IGF2R: variants seen among roughly 807,000 people sequenced by gnomAD.
The protein encoded by IGF2R is insulin like growth factor 2 receptor, also known as cation-independent mannose-6-phosphate receptor.
In IGF2R, 91 loss-of-function variants were observed where a neutral mutation model predicts 270.6. The observed-to-expected ratio is 0.34, with a 90% CI of 0.28 to 0.40. IGF2R has a LOEUF of 0.40. Ranked by LOEUF, IGF2R falls within the 10% of genes least tolerant of loss-of-function variation. The pLI is 1.00. For synonymous variants in IGF2R, 1,316 were observed against 1,258.9 expected, an observed-to-expected ratio of 1.05 and a Z score of -0.96; for missense variants, 2,805 against 3,188.3, an observed-to-expected ratio of 0.88 and a Z score of 2.90.
intron 44 of IGF2R, chr6:160,093,894 C>A (rs1779287738): frequency 2.8e-6 from 2 of 722,696 alleles, no homozygotes; most frequent in East Asian, 2.8e-5. Flanking sequence ...ATTCAGGAGG[C>A]TGATCAGCAT....
rs1177416184 is a variant in IGF2R, at chr6:160,105,148, A to G, written c.*64A>G. ...AGCCAAGCACCTCCAACCAAATAAG[A>G]CTTCCACTCGATGATGCTTCTATAA... On this transcript the variant is annotated 3_prime_UTR_variant, in exon 48 of 48. Transcript: ENST00000356956. 7.5e-7 allele frequency: 1 copy of G among 1,335,632 alleles called. No individual in the cohort carries two copies. The highest frequency in any genetic ancestry group is 1.0e-6 in the Non-Finnish European group (1 of 993,460). The allele number at this position is 1,335,632 out of a possible 1,614,324, so 82.7% of individuals were successfully genotyped here. A position where few individuals can be genotyped will look rare whatever the true frequency, so the allele number is the denominator to read the frequency against.
chr6:160,102,576 A>G lies in IGF2R; in HGVS notation c.6900A>G (p.Ser2300=), dbSNP rs1021206878. Residue 2300 remains serine (S), a synonymous_variant, in exon 46 of 48, where the codon TCA becomes TCG. Transcript: ENST00000356956. This position sits in a 1 kb window ranked among gnomAD's most constrained non-coding sequence, Gnocchi z 4.5. ...ACGGGCAGATGCACAAGGGGCTGTCAGAACGGAGCCAGGCAGTCGGCGCGG... is the reference window on the plus strand; with the variant it reads ...ACGGGCAGATGCACAAGGGGCTGTCGGAACGGAGCCAGGCAGTCGGCGCGG... ...GDDGQMHKGL[S]ERSQAVGAVL... The G allele has an allele frequency of 2.5e-6, 4 of 1,613,552 alleles. No homozygotes were observed. Among genetic ancestry groups the G allele is most frequent in the Non-Finnish European group, 3.4e-6 (4 of 1,179,990 alleles).
intron 4 of IGF2R, among the ~76,000 whole-genome samples, chr6:160,024,255 G>T (rs1459174938): frequency 6.6e-6 from 1 of 152,162 alleles, no homozygotes; most frequent in East Asian, 1.9e-4. Context: ...GGAATGTAGG[G>T]ACCAGGAAGG....
chr6:159,993,750 A>C (rs986427483), intron 2 of IGF2R, among the ~76,000 whole-genome samples: 2 of 152,102 alleles, frequency 1.3e-5, no homozygotes, highest in Non-Finnish European at 2.9e-5. Context: ...TTGTTTTTCT[A>C]ATTCTGTGAA....
chr6:160,002,616 T>G (rs1479274544), intron 2 of IGF2R, among the ~76,000 whole-genome samples: 1 of 152,192 alleles, frequency 6.6e-6, no homozygotes, highest in East Asian at 1.9e-4. Context: ...TTCAACTGCA[T>G]TTGATTTCCT....
intron 31 of IGF2R, among the ~76,000 whole-genome samples, chr6:160,070,699 C>T (rs145955104): frequency 5.3e-5 from 8 of 152,262 alleles, no homozygotes; most frequent in Non-Finnish European, 8.8e-5. Context: ...CCAGTGCTAG[C>T]GTGCATGACA....
At chr6:160,022,611 C>T (rs1777464297) in intron 4 of IGF2R, among the ~76,000 whole-genome samples, 2 of 152,190 alleles carry the variant, frequency 1.3e-5, no homozygotes, top group Admixed American at 1.3e-4. Flanking sequence ...ACTGAGCTCC[C>T]ACTATGTTGT....
intron 29 of IGF2R, among the ~76,000 whole-genome samples, chr6:160,067,248 C>T (rs895216351): frequency 5.9e-5 from 9 of 151,986 alleles, no homozygotes; most frequent in African/African-American, 1.5e-4. Flanking sequence ...GCCTGGGATG[C>T]GCTTTACTGG....
chr6:160,068,065 G>GGTGTGTGTGTGTGT (rs879058804), intron 29 of IGF2R, among the ~76,000 whole-genome samples, 184 bp from the exon 30 acceptor site: 4 of 77,402 alleles, frequency 5.2e-5, no homozygotes, highest in East Asian at 2.6e-4. Flanking sequence ...TCTGATGGGG[G>GGTGTGTGTGTGTGT]GTGTGTGTGT....
In IGF2R at chr6:160,040,676, A is replaced by C; in HGVS notation, c.1432A>C (p.Thr478Pro). The change falls in exon 11 of 48, where the codon ACC (threonine) becomes CCC (proline). Residue 478 changes from threonine (T) to proline (P), a missense_variant. Physicochemically the swap from Thr to Pro is conservative, Grantham distance 38. Coordinates refer to ENST00000356956, the MANE Select transcript of IGF2R (RefSeq NM_000876.4). ...KEKEDLLCGATDGKKRYDLSA... is the reference protein window; with the variant it reads ...KEKEDLLCGAPDGKKRYDLSA... ...GAAGGAAGACCTCCTCTGCGGTGCCACCGACGGGAAGAAGCGCTATGACCT... is the reference window on the plus strand; with the variant it reads ...GAAGGAAGACCTCCTCTGCGGTGCCCCCGACGGGAAGAAGCGCTATGACCT... The C allele has an allele frequency of 6.2e-7, 1 of 1,614,188 alleles. No individual in the cohort carries two copies. Among genetic ancestry groups the C allele is most frequent in the Non-Finnish European group, 8.5e-7 (1 of 1,180,036 alleles).
At chr6:159,979,767 C>T (rs1220600762) in intron 1 of IGF2R, among the ~76,000 whole-genome samples, 1 of 152,110 alleles carries the variant, frequency 6.6e-6, no homozygotes, top group Non-Finnish European at 1.5e-5. Context: ...TGGGCTGAGC[C>T]ATTGGGAGAA....
At chr6:160,083,350 A>C (rs956247449) in intron 39 of IGF2R, among the ~76,000 whole-genome samples, 3 of 152,206 alleles carry the variant, frequency 2.0e-5, no homozygotes. Context: ...CTTTTCTCCT[A>C]TCTCAGAGTT....
In IGF2R at chr6:160,050,715, T is replaced by C. The variant is rs1562357908; in HGVS notation, c.2694+63T>C. ...CATTTTTTGACTGAGCGTTGCCTTA[T>C]GTGTCTCTTAACAGCAGCAGTCTTG... is the stretch of plus-strand genomic sequence containing the variant. On this transcript the variant is annotated intron_variant, in intron 19 of 47. Coordinates refer to ENST00000356956, the MANE Select transcript of IGF2R (RefSeq NM_000876.4). This position sits in a 1 kb window ranked among gnomAD's most constrained non-coding sequence, Gnocchi z 4.0. 1 of 1,448,498 alleles carries C rather than the reference T, an allele frequency of 6.9e-7. No homozygotes were observed. Among genetic ancestry groups the C allele is most frequent in the Non-Finnish European group, 9.4e-7 (1 of 1,066,426 alleles). The allele number at this position is 1,448,498 out of a possible 1,614,324, so 89.7% of individuals were successfully genotyped here. A position where few individuals can be genotyped will look rare whatever the true frequency, so the allele number is the denominator to read the frequency against.
intron 11 of IGF2R, among the ~76,000 whole-genome samples, chr6:160,041,638 C>T (rs1777948830): frequency 6.6e-6 from 1 of 152,186 alleles, no homozygotes; most frequent in Non-Finnish European, 1.5e-5. Flanking sequence ...AGCACTGCTG[C>T]TCCTGTCTTC....
intron 9 of IGF2R, among the ~76,000 whole-genome samples, chr6:160,034,135 C>G (rs376050807): frequency 6.6e-6 from 1 of 152,172 alleles, no homozygotes; most frequent in Non-Finnish European, 1.5e-5. Context: ...TTATTTTGTA[C>G]GAAATCTAAA....
At chr6:159,973,350 C>A (rs1244629172) in intron 1 of IGF2R, among the ~76,000 whole-genome samples, 1 of 152,132 alleles carries the variant, frequency 6.6e-6, no homozygotes, top group African/African-American at 2.4e-5. Flanking sequence ...TAGCAGTGTG[C>A]ATTAATGATA....
At chr6:160,019,344 A>G (rs1480427042) in intron 4 of IGF2R, among the ~76,000 whole-genome samples, 2 of 152,188 alleles carry the variant, frequency 1.3e-5, no homozygotes, top group African/African-American at 2.4e-5. Flanking sequence ...CTCCCAACAA[A>G]AAAAGCTCAG....
intron 4 of IGF2R, among the ~76,000 whole-genome samples, chr6:160,024,173 AGAG>A (rs1385258931): frequency 6.6e-6 from 1 of 152,178 alleles, no homozygotes; most frequent in East Asian, 1.9e-4. Flanking sequence ...GAAGGCAGGA[AGAG>A]GAGAAGACGT....
intron 1 of IGF2R, among the ~76,000 whole-genome samples, chr6:159,979,918 G>T (rs1351822549): frequency 6.6e-6 from 1 of 152,208 alleles, no homozygotes; most frequent in African/African-American, 2.4e-5. Context: ...ATGGGCCGGT[G>T]CTGTGGCTCA....
Sources: allele counts gnomAD v4.1 joint callset (sites outside exome capture counted in the v4.1 genomes callset), GRCh38; gene constraint gnomAD v4.1.1; non-coding constraint Gnocchi (gnomAD v3.1); transcripts MANE v1.5; gene names NCBI Gene and HGNC (gene_info 2026-07-23, HGNC 2026-07-21).